LAMA5: variants seen among roughly 807,000 people sequenced by gnomAD.
The protein encoded by LAMA5 is laminin subunit alpha 5.
LAMA5 carries 260 observed loss-of-function variants against 433.4 expected under a neutral mutation model. That is an observed-to-expected ratio of 0.60 (90% CI 0.54 to 0.66). The LOEUF (loss-of-function observed/expected upper bound fraction) is 0.66. Among genes scored for constraint, LAMA5 ranks in the 30% least tolerant of loss-of-function variants. LAMA5 has a pLI of 0.00. For synonymous variants in LAMA5, 2,620 were observed against 2,226.6 expected (o/e 1.18, Z -4.97); for missense variants, 5,378 against 5,258.5 (o/e 1.02, Z -0.70).
intron 16 of LAMA5, 49 bp downstream of exon 16, chr20:62,337,541 C>A (rs1356374361): frequency 1.3e-6 from 2 of 1,560,166 alleles, no homozygotes; most frequent in Admixed American, 3.8e-5. Flanking sequence ...ACAGCACAGA[C>A]CCACACACAG....
Position 62,324,417 on chromosome 20 carries a change from CT to C in LAMA5, c.5643+23del, listed in dbSNP as rs1426297246. 2.5e-6 allele frequency: 4 copies of C among 1,577,092 alleles called. No homozygotes were observed. Among genetic ancestry groups the C allele is most frequent in the Middle Eastern group, 1.7e-4 (1 of 6,030 alleles). On this transcript the variant is annotated intron_variant, in intron 42 of 79. Transcript: ENST00000252999. The surrounding 1 kb of genome is among the most constrained non-coding windows in gnomAD (Gnocchi z 4.4). ...TGTGCCTTCAGTGAATGCTGCCCCC[CT>C]GGCCCCACCAGCCCCTACTCACCAC...
At chr20:62,321,008 C>T (rs60818677) in intron 48 of LAMA5, 118 bp from the exon 49 acceptor site, 6 of 1,119,244 alleles carry the variant, frequency 5.4e-6, no homozygotes, top group African/African-American at 3.1e-5. Flanking sequence ...ATGAGGTCAG[C>T]TTAGGGACAC....
Position 62,338,301 on chromosome 20 carries a change from G to A in LAMA5, c.1687C>T (p.Arg563Ter). Residue 563 changes from arginine (R) to a stop codon, truncating the protein, a stop_gained, in exon 13 of 80, where the codon CGA becomes TGA. Coordinates refer to ENST00000252999, the MANE Select transcript of LAMA5 (RefSeq NM_005560.6). LOFTEE classifies it high-confidence loss of function. ...CDPDTGQCRC[R>*]VGFEGATCDR... Reference sequence around the variant, plus strand: ...CATGTGGCCCCCTCGAAGCCCACTCGGCACCTGCACTGGCCTGTGTCAGGG... The same window carrying A: ...CATGTGGCCCCCTCGAAGCCCACTCAGCACCTGCACTGGCCTGTGTCAGGG... 2.5e-6 allele frequency: 4 copies of A among 1,604,614 alleles called. No homozygotes were observed. The highest frequency in any genetic ancestry group is 1.7e-4 in the Middle Eastern group (1 of 6,026).
Position 62,323,665 on chromosome 20 carries a change from G to T in LAMA5, c.5855C>A (p.Ala1952Glu). The change falls in exon 45 of 80, where the codon GCG becomes GAG. Residue 1952 changes from alanine (A) to glutamate (E), a missense_variant. Transcript: ENST00000252999. ...GYAGASCERC[A>E]PGFFGNPLVL... ...CAGTGGGTTCCCAAAGAATCCGGGCGCACACCTGGGAGCAGGGTGGGGAGG... is the reference window on the plus strand; with the variant it reads ...CAGTGGGTTCCCAAAGAATCCGGGCTCACACCTGGGAGCAGGGTGGGGAGG... The T allele has an allele frequency of 6.2e-7, 1 of 1,607,018 alleles. No homozygotes were observed. Among genetic ancestry groups the T allele is most frequent in the Non-Finnish European group, 8.5e-7 (1 of 1,176,882 alleles).
rs1045901549 is a variant in LAMA5 at position 62,334,254 on chromosome 20, A to C, written c.2671T>G (p.Phe891Val). ...TCGAACTCGAGGGGGTTGAAGCCAA[A>C]GCGCACGGCGTGACCCTCAGGTGTG... is the stretch of plus-strand genomic sequence containing the variant. ...AATPEGHAVR[F>V]GFNPLEFENF... The change falls in exon 22 of 80, where the codon TTT becomes GTT. Residue 891 changes from phenylalanine to valine, a missense_variant. Phe to Val is a conservative substitution (Grantham distance 50). Coordinates refer to ENST00000252999, the MANE Select transcript of LAMA5 (RefSeq NM_005560.6). 4 of 1,612,870 alleles carry C rather than the reference A, an allele frequency of 2.5e-6. No homozygotes were observed. The highest frequency in any genetic ancestry group is 1.7e-5 in the Admixed American group (1 of 60,004).
At chr20:62,327,443 GCCCA>G (rs772141832) in intron 37 of LAMA5, 37 bp from the exon 38 acceptor site, 8 of 1,594,482 alleles carry the variant, frequency 5.0e-6, no homozygotes, top group Admixed American at 1.7e-5. Context: ...ACGGGTGGAT[GCCCA>G]CACATCACAG....
In LAMA5 at chr20:62,314,420, A is replaced by G. The variant is rs773212052; in HGVS notation, c.8388T>C (p.Gly2796=). ...GCACCTTCTTGTCACGCAGAGACAC[A>G]CCCATGTAGTCCCCAGTGGCCTGCG... The part of the protein sequence containing the change: ...GSRQATGDYM[G]VSLRDKKVHW... Residue 2796 remains glycine (G), a synonymous_variant, in exon 62 of 80, where the codon GGT becomes GGC. Transcript: ENST00000252999. 1 of 1,613,386 alleles carries G rather than the reference A, an allele frequency of 6.2e-7. No homozygotes were observed. Among genetic ancestry groups the G allele is most frequent in the Non-Finnish European group, 8.5e-7 (1 of 1,179,926 alleles).
chr20:62,333,096 G>A lies in LAMA5; in HGVS notation c.3276C>T (p.Gly1092=). The stretch of plus-strand genomic sequence containing the variant: ...GGGGTCCCAGGACACGCACATCACT[G>A]CCCGTGCAGGTGATCAGTGGCGGGT... ...PSHPPLITCT[G]SDVDVQLQVA... The change falls in exon 26 of 80, where the codon GGC becomes GGT. Residue 1092 remains glycine (G), a synonymous_variant. Transcript: ENST00000252999. The A allele has an allele frequency of 1.3e-6, 2 of 1,504,158 alleles. No homozygotes were observed. Among genetic ancestry groups the A allele is most frequent in the Non-Finnish European group, 1.8e-6 (2 of 1,128,950 alleles). The allele number at this position is 1,504,158 out of a possible 1,614,324, so 93.2% of individuals were successfully genotyped here.
chr20:62,315,757 G>A (rs1043350003), intron 58 of LAMA5, among the ~76,000 whole-genome samples, 191 bp downstream of exon 58: 3 of 152,194 alleles, frequency 2.0e-5, no homozygotes, highest in Non-Finnish European at 2.9e-5. Context: ...GGCTCCCGAC[G>A]GCTGGGGCTG....
Position 62,336,805 on chromosome 20 carries a change from G to T in LAMA5, c.2165-19C>A. ...GAGCCAGCTGTGAAGAGAGGACCAT[G>T]CCTCGGTCATTTCCCAGTGACCAAC... On this transcript the variant is annotated intron_variant, in intron 16 of 79. Transcript: ENST00000252999. 1 of 1,611,500 alleles carries T rather than the reference G, an allele frequency of 6.2e-7. No individual in the cohort carries two copies.
intron 23 of LAMA5, 61 bp from the exon 24 acceptor site, chr20:62,333,767 C>T: frequency 1.3e-6 from 2 of 1,483,146 alleles, no homozygotes; most frequent in Non-Finnish European, 1.8e-6. Context: ...CAGGCTGCAC[C>T]CCCTACAGGG....
chr20:62,351,944 C>T lies in LAMA5; in HGVS notation c.823G>A (p.Gly275Arg). 3 of 1,611,622 alleles carry T rather than the reference C, an allele frequency of 1.9e-6. No individual in the cohort carries two copies. The highest frequency in any genetic ancestry group is 1.7e-6 in the Non-Finnish European group (2 of 1,179,520). ...RTNTLLGHLM[G>R]KALRDPTVTR... is the part of the protein sequence containing the mutation. ...ACCGTGGGGTCCCGCAGCGCCTTCC[C>T]CATGAGATGGCCCAGCAGCGTGTTG... The change falls in exon 5 of 80, where the codon GGG (glycine) becomes AGG (arginine). Residue 275 changes from glycine (G) to arginine (R), a missense_variant. Coordinates refer to ENST00000252999, the MANE Select transcript of LAMA5 (RefSeq NM_005560.6).
intron 16 of LAMA5, chr20:62,337,082 G>T (rs183354709): frequency 4.8e-6 from 3 of 621,210 alleles, no homozygotes. Flanking sequence ...GCACACAAAC[G>T]CACGTGAAGA....
At chr20:62,366,864 GCCA>G (rs1986787818) in intron 1 of LAMA5, 82 bp downstream of exon 1, 7 of 1,226,720 alleles carry the variant, frequency 5.7e-6, no homozygotes, top group Non-Finnish European at 7.1e-6. Context: ...CTCGCCCCGG[GCCA>G]CGGCGCTCCC....
chr20:62,322,216 C>G, intron 47 of LAMA5, 48 bp from the exon 48 acceptor site: 1 of 1,560,364 alleles, frequency 6.4e-7, no homozygotes, highest in South Asian at 1.2e-5. Context: ...GACCTTGGAG[C>G]GTACCCCACT....
chr20:62,358,453 C>T (rs1985569332), intron 2 of LAMA5, among the ~76,000 whole-genome samples: 1 of 152,204 alleles, frequency 6.6e-6, no homozygotes, highest in Non-Finnish European at 1.5e-5. Context: ...GGACAACCCA[C>T]TGACCGTCCT....
chr20:62,356,955 C>T (rs1240072220), intron 2 of LAMA5, among the ~76,000 whole-genome samples: 1 of 152,210 alleles, frequency 6.6e-6, no homozygotes, highest in Non-Finnish European at 1.5e-5. Context: ...GCGGAGGGGA[C>T]TGAGTAGGTG....
rs754748520 is a variant in LAMA5, at chr20:62,318,899, C to T, written c.6986G>A (p.Arg2329Gln). 37 of 1,606,028 alleles carry T rather than the reference C, an allele frequency of 2.3e-5. No homozygotes were observed. Among genetic ancestry groups the T allele is most frequent in the African/African-American group, 8.0e-5 (6 of 74,854 alleles). The change falls in exon 52 of 80, where the codon CGG becomes CAG. Residue 2329 changes from arginine to glutamine, a missense_variant. Physicochemically the swap from Arg to Gln is conservative, Grantham distance 43. Transcript: ENST00000252999. ...VERLLWEMRA[R>Q]DLGAPQAAAE... Reference sequence around the variant, plus strand: ...TGCTGCCTGCGGGGCCCCCAGGTCCCGGGCCCGCATCTCCCAGAGCAGCCG... The same window carrying T: ...TGCTGCCTGCGGGGCCCCCAGGTCCTGGGCCCGCATCTCCCAGAGCAGCCG...
In LAMA5 at chr20:62,311,021, CG is replaced by C; in HGVS notation, c.10161del (p.Gly3388AlafsTer9). ...GLLLFTARLR[P>X]GSPSLALFLS... ...AGGAAGAGCGCCAGGGAGGGGCTGCCGGGCCTCAGACGGGCAGTGAAGAGGA... is the reference window on the plus strand; with the variant it reads ...AGGAAGAGCGCCAGGGAGGGGCTGCCGGCCTCAGACGGGCAGTGAAGAGGA... On this transcript the variant is annotated frameshift_variant, in exon 74 of 80. Transcript: ENST00000252999. LOFTEE classifies it high-confidence loss of function. 1 of 1,609,632 alleles carries C rather than the reference CG, an allele frequency of 6.2e-7. No homozygotes were observed.
Sources: gnomAD v4.1 joint callset for allele counts (sites outside exome capture counted in the v4.1 genomes callset) on GRCh38, gnomAD v4.1.1 for gene constraint, Gnocchi (gnomAD v3.1) non-coding constraint, MANE v1.5 for transcripts, NCBI Gene and HGNC (gene_info 2026-07-23, HGNC 2026-07-21) for gene names.